The following KLHL3 variants were observed in gnomAD, a reference collection of about 807,000 sequenced individuals.
The protein encoded by KLHL3 is kelch-like protein 3.
Under a neutral mutation model 70.5 loss-of-function variants are expected in KLHL3, and 19 were observed. The ratio of observed to expected loss-of-function variants is 0.27; its 90% CI spans 0.19 to 0.40. The LOEUF is 0.40. KLHL3 is among the 10% of genes least tolerant of loss of function. KLHL3 has a pLI of 1.00. For synonymous variants in KLHL3, 258 were observed against 290.3 expected, an observed-to-expected ratio of 0.89 and a Z score of 1.13; for missense variants, 512 against 771.1, an observed-to-expected ratio of 0.66 and a Z score of 3.98.
chr5:137,650,175 G>C (rs1474992411), intron 8 of KLHL3, among the ~76,000 whole-genome samples: 1 of 152,216 alleles, frequency 6.6e-6, no homozygotes, highest in African/African-American at 2.4e-5. Flanking sequence ...GTGGTCACCA[G>C]AGGGTGTAAA....
intron 8 of KLHL3, among the ~76,000 whole-genome samples, chr5:137,654,119 G>T (rs914039443): frequency 6.6e-6 from 1 of 152,196 alleles, no homozygotes; most frequent in Non-Finnish European, 1.5e-5. Context: ...CTACAAAGCA[G>T]CACATGGAAA....
intron 8 of KLHL3, among the ~76,000 whole-genome samples, chr5:137,640,357 G>A (rs932600458): frequency 4.6e-5 from 7 of 152,172 alleles, no homozygotes; most frequent in Admixed American, 1.3e-4. Context: ...GAATTTGGAC[G>A]TATGTTTTAA....
At chr5:137,657,467 A>G (rs751021174) in intron 8 of KLHL3, among the ~76,000 whole-genome samples, 4 of 152,142 alleles carry the variant, frequency 2.6e-5, no homozygotes, top group Non-Finnish European at 5.9e-5. Flanking sequence ...TGAGGGTCAG[A>G]GAGGAAAGAA....
At chr5:137,733,149 A>G (rs1235633428) in intron 1 of KLHL3, among the ~76,000 whole-genome samples, 2 of 152,188 alleles carry the variant, frequency 1.3e-5, no homozygotes, top group African/African-American at 4.8e-5. Flanking sequence ...TGGAGGTTGG[A>G]CATGTGATCC....
intron 1 of KLHL3, among the ~76,000 whole-genome samples, chr5:137,729,787 G>T (rs1460109659): frequency 1.3e-5 from 2 of 152,040 alleles, no homozygotes; most frequent in Admixed American, 1.3e-4. Flanking sequence ...AGACCAAAAT[G>T]ATCAAACTTA....
Position 137,735,921 on chromosome 5 carries a change from C to A in KLHL3, c.-275G>T, listed in dbSNP as rs189053795. ...AAAAGCAGCAACCCACTTGCTCCCC[C>A]TCCCCCGCAGGCTTGCTGCTCCTTG... On this transcript the variant is annotated 5_prime_UTR_variant, in exon 1 of 15. It adds an upstream start codon to the 5' untranslated region. Coordinates refer to ENST00000309755, the MANE Select transcript of KLHL3 (RefSeq NM_017415.3). The A allele has an allele frequency of 1.9e-6, 1 of 520,780 alleles. No homozygotes were observed. Among genetic ancestry groups the A allele is most frequent in the Non-Finnish European group, 3.5e-6 (1 of 284,570 alleles). The allele number at this position is 520,780 out of a possible 1,614,324, so 32.3% of individuals were successfully genotyped here.
At chr5:137,647,579 CA>C (rs1386054016) in intron 8 of KLHL3, 1 of 472,200 alleles carries the variant, frequency 2.1e-6, no homozygotes, top group African/African-American at 2.0e-5. Context: ...CAGGCCCAGC[CA>C]GTCGGTCCCT....
intron 8 of KLHL3, among the ~76,000 whole-genome samples, chr5:137,642,280 C>G (rs143079987): frequency 5.9e-5 from 9 of 152,330 alleles, no homozygotes; most frequent in African/African-American, 2.2e-4. Context: ...CACACCCTCC[C>G]ACATGCTGTT....
intron 13 of KLHL3, 188 bp downstream of exon 13, chr5:137,628,109 A>G: frequency 1.6e-6 from 1 of 636,378 alleles, no homozygotes; most frequent in South Asian, 1.9e-5. Context: ...CAGGATCTGC[A>G]GCTAGCTTTT....
intron 5 of KLHL3, among the ~76,000 whole-genome samples, chr5:137,679,810 G>A (rs1226597104): frequency 6.6e-6 from 1 of 152,202 alleles, no homozygotes; most frequent in Non-Finnish European, 1.5e-5. Context: ...ATCCTCCCAG[G>A]AAGCAGTATC....
intron 3 of KLHL3, among the ~76,000 whole-genome samples, chr5:137,707,884 A>G (rs187018544): frequency 6.6e-6 from 1 of 152,354 alleles, no homozygotes; most frequent in East Asian, 1.9e-4. Flanking sequence ...ATGACAATTC[A>G]TTGCAATTCC....
intron 1 of KLHL3, chr5:137,720,874 C>T: frequency 9.9e-6 from 12 of 1,211,482 alleles, no homozygotes; most frequent in Non-Finnish European, 1.1e-5. Context: ...CTGAAGGGGA[C>T]TAAGCACTCT....
intron 6 of KLHL3, among the ~76,000 whole-genome samples, chr5:137,663,056 C>CTTTTTT (rs139890036): frequency 3.6e-4 from 28 of 77,916 alleles, no homozygotes; most frequent in African/African-American, 4.9e-4. Flanking sequence ...AGCACTCGTT[C>CTTTTTT]TTTTTTTTTT....
intron 2 of KLHL3, 54 bp from the exon 3 acceptor site, chr5:137,709,910 C>T: frequency 1.5e-6 from 2 of 1,366,566 alleles, no homozygotes; most frequent in African/African-American, 1.4e-5. Context: ...CACCTACCCT[C>T]ATCTTACAAG....
chr5:137,724,980 G>A (rs1255538464), intron 1 of KLHL3: 1 of 909,598 alleles, frequency 1.1e-6, no homozygotes, highest in African/African-American at 1.8e-5. Flanking sequence ...ATATACATAT[G>A]TCTCAACCTA....
In KLHL3 at chr5:137,639,630, G is replaced by A. The variant is rs780208649; in HGVS notation, c.1021+230C>T. Among the ~76,000 whole-genome samples the A allele has an allele frequency of 2.0e-5, 3 of 151,052 alleles. No homozygotes were observed. Among genetic ancestry groups the A allele is most frequent in the Non-Finnish European group, 2.9e-5 (2 of 67,884 alleles). On this transcript the variant is annotated intron_variant, in intron 9 of 14. Coordinates refer to ENST00000309755, the MANE Select transcript of KLHL3 (RefSeq NM_017415.3). The surrounding 1 kb of genome is among the most constrained non-coding windows in gnomAD (Gnocchi z 5.0). ...AATCACTTGAACCCAGGAGGCAGAC[G>A]TTGCAGTGAGCCGAGATCATGACAC...
intron 8 of KLHL3, among the ~76,000 whole-genome samples, chr5:137,649,814 TATC>T (rs1751155249): frequency 6.6e-6 from 1 of 152,158 alleles, no homozygotes; most frequent in South Asian, 2.1e-4. Context: ...TATCTGCTGT[TATC>T]ATTATTGTGG....
chr5:137,704,257 C>T (rs994230779), intron 3 of KLHL3, among the ~76,000 whole-genome samples: 23 of 151,948 alleles, frequency 1.5e-4, no homozygotes, highest in South Asian at 1.2e-3. Flanking sequence ...CGGTGGCGGG[C>T]GCCTGTAGTC....
At chr5:137,709,612 C>T (rs1158586356) in intron 3 of KLHL3, 138 bp downstream of exon 3, 7 of 680,674 alleles carry the variant, frequency 1.0e-5, no homozygotes, top group South Asian at 7.0e-5. Flanking sequence ...ACAAAGCACA[C>T]TATCTGGCGT....
Sources: gnomAD v4.1 joint callset for allele counts (sites outside exome capture counted in the v4.1 genomes callset) on GRCh38, gnomAD v4.1.1 for gene constraint, Gnocchi (gnomAD v3.1) non-coding constraint, MANE v1.5 for transcripts, NCBI Gene and HGNC (gene_info 2026-07-23, HGNC 2026-07-21) for gene names.